The following ABHD5 variants were observed in gnomAD, a reference collection of about 807,000 sequenced individuals.
ABHD5 encodes the protein abhydrolase domain containing 5, lysophosphatidic acid acyltransferase.
Under a neutral mutation model 44.9 loss-of-function variants are expected in ABHD5, and 30 were observed. That is an observed-to-expected ratio of 0.67 (90% CI 0.50 to 0.91). The LOEUF is 0.91. Among genes scored for constraint, ABHD5 ranks in the 40% least tolerant of loss-of-function variants. The probability of loss-of-function intolerance (pLI) is 0.00; values close to 1 mark genes in which losing one functional copy is unlikely to be tolerated. For missense variants in ABHD5, 399 were observed against 423.4 expected, an observed-to-expected ratio of 0.94 and a Z score of 0.50; for synonymous variants, 167 against 147.0, an observed-to-expected ratio of 1.14 and a Z score of -0.99.
At chr3:43,726,739 A>G (rs1028293747), downstream of ABHD5, among the ~76,000 whole-genome samples, 14 of 152,214 alleles carry the variant, frequency 9.2e-5, no homozygotes, top group African/African-American at 2.9e-4. Context: ...CTCAAACTCT[A>G]GTGTGCCTGA....
rs577592558 is a variant in ABHD5 at position 43,692,516 on chromosome 3, T to C, written c.47+1477T>C. Among the ~76,000 whole-genome samples, 3 of 152,194 alleles carry C rather than the reference T, an allele frequency of 2.0e-5. No individual in the cohort carries two copies. The East Asian group carries it at 5.8e-4, about 29-fold the overall frequency. Reference sequence around the variant, plus strand: ...AGTGATGGTTGGAGGTCATTGGAGGTAGATGATTAAAAAATCCTTAGCAGC... The same window carrying C: ...AGTGATGGTTGGAGGTCATTGGAGGCAGATGATTAAAAAATCCTTAGCAGC... On this transcript the variant is annotated intron_variant, in intron 1 of 6. Transcript: ENST00000644371.
intron 3 of ABHD5, among the ~76,000 whole-genome samples, chr3:43,707,205 G>A (rs1235009661): frequency 1.3e-5 from 2 of 151,964 alleles, no homozygotes; most frequent in African/African-American, 2.4e-5. Context: ...TATAAACTAC[G>A]GAAAAGGAGA....
downstream of ABHD5, among the ~76,000 whole-genome samples, chr3:43,723,661 G>A (rs1056890322): frequency 6.6e-6 from 1 of 152,142 alleles, no homozygotes; most frequent in Admixed American, 6.5e-5. Context: ...ACACACAGGA[G>A]ATTGAAAAGC....
At chr3:43,723,466 A>C (rs1303148931), downstream of ABHD5, among the ~76,000 whole-genome samples, 1 of 152,232 alleles carries the variant, frequency 6.6e-6, no homozygotes, top group Admixed American at 6.5e-5. Flanking sequence ...TTGGTGGCTT[A>C]GGTTCATAAA....
intron 2 of ABHD5, among the ~76,000 whole-genome samples, chr3:43,701,077 T>C (rs369897082): frequency 1.3e-5 from 2 of 152,168 alleles, no homozygotes; most frequent in Admixed American, 6.5e-5. Flanking sequence ...GGGATGCAAA[T>C]AGGAATGTGA....
intron 1 of ABHD5, among the ~76,000 whole-genome samples, chr3:43,693,048 T>C (rs1026495644): frequency 3.3e-5 from 5 of 152,216 alleles, no homozygotes; most frequent in South Asian, 2.1e-4. Context: ...CCCCTTTCAG[T>C]TGCAATACAG....
chr3:43,698,093 A>G (rs1258357908), intron 1 of ABHD5, among the ~76,000 whole-genome samples: 6 of 152,220 alleles, frequency 3.9e-5, no homozygotes, highest in Non-Finnish European at 5.9e-5. Context: ...AAGAAAAGCT[A>G]GATGTTGGTA....
rs373123930 is a variant in ABHD5 at position 43,719,543 on chromosome 3, G to C, written c.*1011G>C. On this transcript the variant is annotated 3_prime_UTR_variant, in exon 7 of 7. Coordinates refer to ENST00000644371, the MANE Select transcript of ABHD5 (RefSeq NM_016006.6). ...GTCTCATGGCACCAGAAATGAGCTA[G>C]CACTTGGGTTTGTTGTTGCTGTTGT... is the stretch of plus-strand genomic sequence containing the variant. 8.2e-4 allele frequency: 125 copies of C among 152,268 alleles called. No individual in the cohort carries two copies. In the Middle Eastern group the frequency reaches 0.014, roughly 17 times the overall value. The allele number at this position is 152,268 out of a possible 1,614,324, so 9.4% of individuals were successfully genotyped here. A position where few individuals can be genotyped will look rare whatever the true frequency, so the allele number is the denominator to read the frequency against.
intron 3 of ABHD5, among the ~76,000 whole-genome samples, chr3:43,703,860 TTTTCTC>T (rs2084579567): frequency 6.6e-6 from 1 of 152,058 alleles, no homozygotes; most frequent in Admixed American, 6.5e-5. Flanking sequence ...AACAGCCACT[TTTTCTC>T]TATAGACTCT....
chr3:43,730,915 G>A (rs1386687915), intron 7 of ABHD5, among the ~76,000 whole-genome samples: 1 of 152,102 alleles, frequency 6.6e-6, no homozygotes, highest in African/African-American at 2.4e-5. Context: ...TGCAACCTCT[G>A]CCTCCTGGGT....
downstream of ABHD5, among the ~76,000 whole-genome samples, chr3:43,725,902 C>T (rs1171865290): frequency 6.6e-6 from 1 of 151,712 alleles, no homozygotes; most frequent in Non-Finnish European, 1.5e-5. Context: ...CAGAGTCTCC[C>T]TCTGTTGCCC....
At position 43,705,344 on chromosome 3, in the gene ABHD5, C is replaced by G. The variant is rs1286460837; in HGVS notation, c.506+2757C>G. 3.9e-5 allele frequency among the ~76,000 whole-genome samples: 6 copies of G among 152,194 alleles called. No homozygotes were observed. The East Asian group carries it at 1.2e-3, about 29-fold the overall frequency. ...GTTTTATGCCTTTTGCCCAGTTAGT[C>G]TACATCTTGAGTTAGTATAGCATAA... On this transcript the variant is annotated intron_variant, in intron 3 of 6. Coordinates refer to ENST00000644371, the MANE Select transcript of ABHD5 (RefSeq NM_016006.6).
downstream of ABHD5, among the ~76,000 whole-genome samples, chr3:43,727,666 A>G (rs1015021502): frequency 2.0e-5 from 3 of 152,128 alleles, no homozygotes; most frequent in African/African-American, 7.2e-5. Context: ...CTGGAGTGCA[A>G]TATGCAATCT....
intron 1 of ABHD5, among the ~76,000 whole-genome samples, chr3:43,696,986 C>G (rs1280687058): frequency 6.6e-6 from 1 of 152,130 alleles, no homozygotes; most frequent in Non-Finnish European, 1.5e-5. Context: ...TTGAAGATCC[C>G]TACTTTTTAA....
downstream of ABHD5, among the ~76,000 whole-genome samples, chr3:43,726,486 G>A (rs1308310508): frequency 3.9e-5 from 6 of 152,218 alleles, no homozygotes; most frequent in Non-Finnish European, 7.3e-5. Context: ...GTGCTGGCCT[G>A]CAGGAGACTG....
chr3:43,703,426 C>A (rs940295290), intron 3 of ABHD5, among the ~76,000 whole-genome samples: 1 of 152,006 alleles, frequency 6.6e-6, no homozygotes, highest in Non-Finnish European at 1.5e-5. Context: ...TGATCCACCC[C>A]CCTCGGCCTC....
intron 7 of ABHD5, among the ~76,000 whole-genome samples, chr3:43,731,556 G>C (rs1296712075): frequency 2.0e-5 from 3 of 152,192 alleles, no homozygotes; most frequent in Non-Finnish European, 2.9e-5. Context: ...TTTGGGCCGG[G>C]TGCGGTGGCT....
intron 1 of ABHD5, among the ~76,000 whole-genome samples, chr3:43,691,967 T>C (rs1305930340): frequency 6.6e-6 from 1 of 152,222 alleles, no homozygotes; most frequent in Admixed American, 6.5e-5. Flanking sequence ...TATTCTTTTC[T>C]ACACCTAAAT....
At chr3:43,701,025 A>G (rs2084536035) in intron 2 of ABHD5, among the ~76,000 whole-genome samples, 1 of 152,226 alleles carries the variant, frequency 6.6e-6, no homozygotes, top group African/African-American at 2.4e-5. Context: ...TTCTCAATTC[A>G]TGCATTTAAC....
Sources: gnomAD v4.1 joint callset for allele counts (sites outside exome capture counted in the v4.1 genomes callset) on GRCh38, gnomAD v4.1.1 for gene constraint, MANE v1.5 for transcripts, NCBI Gene and HGNC (gene_info 2026-07-23, HGNC 2026-07-21) for gene names.